Variants in ALDH1L1 observed in about 807,000 individuals in gnomAD.
The protein encoded by ALDH1L1 is cytosolic 10-formyltetrahydrofolate dehydrogenase.
In ALDH1L1, 68 loss-of-function variants were observed where a neutral mutation model predicts 101.1. The ratio of observed to expected loss-of-function variants is 0.67; its 90% CI spans 0.55 to 0.82. The LOEUF (loss-of-function observed/expected upper bound fraction) is 0.82. ALDH1L1 is among the 40% of genes least tolerant of loss of function. The pLI is 0.00. For synonymous variants in ALDH1L1, 486 were observed against 470.8 expected (o/e 1.03, Z -0.42); for missense variants, 1,087 against 1,172.7 (o/e 0.93, Z 1.07).
chr3:126,147,560 G>A (rs1003646372), intron 8 of ALDH1L1, among the ~76,000 whole-genome samples: 1 of 152,224 alleles, frequency 6.6e-6, no homozygotes, highest in African/African-American at 2.4e-5. Flanking sequence ...CACCCAGTAA[G>A]GCTGTCCAGC....
At chr3:126,159,281 C>T (rs927899505) in intron 2 of ALDH1L1, 2 of 385,986 alleles carry the variant, frequency 5.2e-6, no homozygotes, top group Admixed American at 6.3e-5. Context: ...CAGGGCCCCT[C>T]CTCCTGCCCC....
intron 2 of ALDH1L1, chr3:126,159,451 C>T (rs776987262): frequency 4.4e-6 from 2 of 456,722 alleles, no homozygotes; most frequent in South Asian, 3.1e-5. Flanking sequence ...CTCTTCAATA[C>T]CCAAGGAACA....
intron 22 of ALDH1L1, chr3:126,104,052 A>G: frequency 1.7e-6 from 1 of 599,518 alleles, no homozygotes; most frequent in Admixed American, 2.9e-5. Context: ...CCAGAATACA[A>G]AGCCAATCTG....
chr3:126,195,851 C>G (rs1355862540), intron 1 of ALDH1L1, among the ~76,000 whole-genome samples: 1 of 152,184 alleles, frequency 6.6e-6, no homozygotes, highest in Non-Finnish European at 1.5e-5. Flanking sequence ...TCTCAGCAAA[C>G]TATCGCAAGG....
chr3:126,109,966 G>A lies in ALDH1L1; in HGVS notation c.2325C>T (p.Gly775=), dbSNP rs776035780. The part of the protein sequence containing the change: ...GVKEGATLVC[G]GNQVPRPGFF... ...CACCTGGCCGAGGGACCTGATTCCC[G>A]CCGCAGACCAGTGTGGCCCCTTCCT... The change falls in exon 20 of 23, where the codon GGC becomes GGT. Residue 775 remains glycine, a synonymous_variant. Coordinates refer to ENST00000393434, the MANE Select transcript of ALDH1L1 (RefSeq NM_012190.4). The A allele has an allele frequency of 2.2e-5, 36 of 1,613,892 alleles. No individual in the cohort carries two copies. Among genetic ancestry groups the A allele is most frequent in the Admixed American group, 1.0e-4 (6 of 60,006 alleles).
intron 4 of ALDH1L1, chr3:126,156,222 C>A (rs1206750446): frequency 6.6e-6 from 1 of 152,198 alleles, no homozygotes; most frequent in Non-Finnish European, 1.5e-5. Flanking sequence ...CTGCATGTTA[C>A]CAGTGGCTGC....
upstream of ALDH1L1, among the ~76,000 whole-genome samples, chr3:126,182,165 G>A (rs1258223637): frequency 2.7e-5 from 4 of 150,382 alleles, no homozygotes; most frequent in African/African-American, 9.8e-5. Context: ...ATTTTTTTTT[G>A]AGGTAGAGTC....
chr3:126,158,996 C>G, intron 2 of ALDH1L1, among the ~76,000 whole-genome samples: 1 of 152,162 alleles, frequency 6.6e-6, no homozygotes, highest in Non-Finnish European at 1.5e-5. Flanking sequence ...TGGGGACTGC[C>G]CCCCTGCAGA....
intron 9 of ALDH1L1, among the ~76,000 whole-genome samples, chr3:126,142,246 C>G (rs998576725): frequency 1.3e-5 from 2 of 152,222 alleles, no homozygotes; most frequent in Non-Finnish European, 2.9e-5. Context: ...AATGATTTCA[C>G]TGGTGAATTC....
In ALDH1L1 at chr3:126,157,227, A is replaced by G. The variant is rs142023413; in HGVS notation, c.528+116T>C. 576 of 1,320,808 alleles carry G rather than the reference A, an allele frequency of 4.4e-4. 1 individual carries two copies. The African/African-American group carries it at 7.1e-3, about 16-fold the overall frequency. 81.8% of individuals were successfully genotyped at this position (1,320,808 alleles called of 1,614,324 possible). A position where few individuals can be genotyped will look rare whatever the true frequency, so the allele number is the denominator to read the frequency against. On this transcript the variant is annotated intron_variant, in intron 4 of 22. Transcript: ENST00000393434. Reference sequence around the variant, plus strand: ...TTGAAGTGAGAGCTCCTCTCCCTCCAGAATCCTGAATTTGGGGAACAGATT... The same window carrying G: ...TTGAAGTGAGAGCTCCTCTCCCTCCGGAATCCTGAATTTGGGGAACAGATT...
intron 18 of ALDH1L1, among the ~76,000 whole-genome samples, chr3:126,114,020 C>T (rs996206460): frequency 3.3e-5 from 5 of 152,232 alleles, no homozygotes; most frequent in African/African-American, 9.6e-5. Context: ...CCAGGCACTG[C>T]ACCCACGGCC....
intron 1 of ALDH1L1, chr3:126,197,657 C>T (rs762923657): frequency 1.4e-4 from 21 of 151,914 alleles, no homozygotes; most frequent in African/African-American, 4.8e-4. Flanking sequence ...CATGGAGCTC[C>T]GAAATCCGAG....
chr3:126,134,823 G>C (rs1285350473), intron 12 of ALDH1L1, among the ~76,000 whole-genome samples: 1 of 152,138 alleles, frequency 6.6e-6, no homozygotes, highest in African/African-American at 2.4e-5. Flanking sequence ...CAGGCCCCAA[G>C]ACACCTGTGT....
chr3:126,156,475 C>G (rs977284448), intron 4 of ALDH1L1: 2 of 152,368 alleles, frequency 1.3e-5, no homozygotes, highest in African/African-American at 4.8e-5. Flanking sequence ...GCCCAAACAG[C>G]AAGGGCTCCC....
At chr3:126,167,042 A>G (rs1184610150) in intron 1 of ALDH1L1, among the ~76,000 whole-genome samples, 1 of 152,226 alleles carries the variant, frequency 6.6e-6, no homozygotes, top group African/African-American at 2.4e-5. Flanking sequence ...CATTTTCTGT[A>G]TATGAGTCAT....
chr3:126,171,945 G>A (rs1014771939), intron 1 of ALDH1L1, among the ~76,000 whole-genome samples: 5 of 152,004 alleles, frequency 3.3e-5, no homozygotes, highest in South Asian at 2.1e-4. Flanking sequence ...AGGGGATTAC[G>A]GATAAGAGAA....
Position 126,131,552 on chromosome 3 carries a change from A to C in ALDH1L1, c.1473-18T>G. On this transcript the variant is annotated intron_variant, in intron 12 of 22. Coordinates refer to ENST00000393434, the MANE Select transcript of ALDH1L1 (RefSeq NM_012190.4). ...CTGCCAACCTGACCAGGGTGAGGGG[A>C]AGCGGGAGGTGGGCTCAGGCCTGGC... 6.3e-7 allele frequency: 1 copy of C among 1,595,020 alleles called. No homozygotes were observed. Among genetic ancestry groups the C allele is most frequent in the Non-Finnish European group, 8.6e-7 (1 of 1,164,898 alleles).
At chr3:126,112,945 C>A in intron 18 of ALDH1L1, 65 bp from the exon 19 acceptor site, 1 of 1,480,116 alleles carries the variant, frequency 6.8e-7, no homozygotes, top group Non-Finnish European at 9.4e-7. Context: ...CCGGCTCTGC[C>A]AGGGCCCAGC....
At chr3:126,177,307 T>G (rs1257992576) in intron 1 of ALDH1L1, among the ~76,000 whole-genome samples, 4 of 152,232 alleles carry the variant, frequency 2.6e-5, no homozygotes, top group Non-Finnish European at 5.9e-5. Context: ...CAAGATATCC[T>G]GTAGTATGTG....
Sources: gnomAD v4.1 joint callset for allele counts (sites outside exome capture counted in the v4.1 genomes callset) on GRCh38, gnomAD v4.1.1 for gene constraint, MANE v1.5 for transcripts, NCBI Gene and HGNC (gene_info 2026-07-23, HGNC 2026-07-21) for gene names.